The following UBE2QL1 variants were observed in gnomAD, a reference collection of about 807,000 sequenced individuals.
The protein encoded by UBE2QL1 is ubiquitin conjugating enzyme E2 QL1, also known as ubiquitin-conjugating enzyme E2Q-like protein 1.
UBE2QL1 carries 5 observed loss-of-function variants against 12.6 expected under a neutral mutation model. That is an observed-to-expected ratio of 0.40 (90% confidence interval 0.21 to 0.83). UBE2QL1 has a LOEUF of 0.83. Ranked by LOEUF, UBE2QL1 falls within the 40% of genes least tolerant of loss-of-function variation. The pLI, the probability that UBE2QL1 is intolerant of heterozygous loss-of-function variation, is 0.37. For synonymous variants in UBE2QL1, 96 were observed against 94.5 expected (o/e 1.02, Z -0.10); for missense variants, 99 against 222.6 (o/e 0.44, Z 3.53).
rs556624832 is a variant in UBE2QL1, at chr5:6,481,146, T to C, written c.355-10072T>C. Among the ~76,000 whole-genome samples the C allele has an allele frequency of 1.3e-5, 2 of 152,308 alleles. No individual in the cohort carries two copies. The highest frequency in any genetic ancestry group is 2.9e-5 in the Non-Finnish European group (2 of 68,024). ...AGCGTGCTTCTCGGGCCATTTCACC[T>C]GTGCACGCTTCGTTGTGGCTGCACC... On this transcript the variant is annotated intron_variant, in intron 1 of 1. Transcript: ENST00000399816. The surrounding 1 kb of genome is among the most constrained non-coding windows in gnomAD (Gnocchi z 4.5).
Position 6,491,360 on chromosome 5 carries a change from G to T in UBE2QL1, c.*11G>T, listed in dbSNP as rs1392257382. ...GTGTCCGACGGCTGATGTCTGCCACGTGCAGTAGACGCTCGAGCGCCTGTC... is the reference window on the plus strand; with the variant it reads ...GTGTCCGACGGCTGATGTCTGCCACTTGCAGTAGACGCTCGAGCGCCTGTC... On this transcript the variant is annotated 3_prime_UTR_variant, in exon 2 of 2. Coordinates refer to ENST00000399816, the MANE Select transcript of UBE2QL1 (RefSeq NM_001145161.3). The T allele has an allele frequency of 7.8e-6, 12 of 1,546,604 alleles. No homozygotes were observed. Among genetic ancestry groups the T allele is most frequent in the Non-Finnish European group, 1.0e-5 (12 of 1,144,902 alleles).
At chr5:6,488,939 G>A (rs564712396) in intron 1 of UBE2QL1, among the ~76,000 whole-genome samples, 1 of 152,326 alleles carries the variant, frequency 6.6e-6, no homozygotes, top group Admixed American at 6.5e-5. Context: ...TATTAGCTCT[G>A]AGTGGTCTCT....
At position 6,494,431 on chromosome 5, in the gene UBE2QL1, T is replaced by A. The variant is rs1382706552; in HGVS notation, c.*3082T>A. The A allele has an allele frequency of 6.6e-6, 1 of 152,104 alleles. No homozygotes were observed. The highest frequency in any genetic ancestry group is 1.5e-5 in the Non-Finnish European group (1 of 68,022). 9.4% of individuals were successfully genotyped at this position (152,104 alleles called of 1,614,324 possible). A position where few individuals can be genotyped will look rare whatever the true frequency, so the allele number is the denominator to read the frequency against. On this transcript the variant is annotated 3_prime_UTR_variant, in exon 2 of 2. Coordinates refer to ENST00000399816, the MANE Select transcript of UBE2QL1 (RefSeq NM_001145161.3). ...CATCTATCAAAATTTGACCTTTTTT[T>A]AAGAGAAAAATATGTAGATGAGTGA...
chr5:6,475,039 C>G (rs1055665803), intron 1 of UBE2QL1, among the ~76,000 whole-genome samples: 5 of 152,228 alleles, frequency 3.3e-5, no homozygotes, highest in African/African-American at 1.2e-4. Context: ...TCCCTATATT[C>G]TATCATAAGA....
rs1056754919 is a variant in UBE2QL1 at position 6,479,928 on chromosome 5, A to C, written c.355-11290A>C. On this transcript the variant is annotated intron_variant, in intron 1 of 1. Transcript: ENST00000399816. The surrounding 1 kb of genome is among the most constrained non-coding windows in gnomAD (Gnocchi z 4.2). ...TAAAGGTAGACTCAGGGCCCTGATC[A>C]TCTCGGGGCTTACATAAACCATGTG... Among the ~76,000 whole-genome samples the C allele has an allele frequency of 3.9e-5, 6 of 152,292 alleles. No homozygotes were observed. In the Middle Eastern group the frequency reaches 0.01, roughly 259 times the overall value.
chr5:6,455,652 G>A (rs1476975449), intron 1 of UBE2QL1, among the ~76,000 whole-genome samples: 2 of 152,098 alleles, frequency 1.3e-5, no homozygotes, highest in African/African-American at 2.4e-5. Flanking sequence ...ACAGAGGCTG[G>A]TCCAAAGAGC....
chr5:6,461,576 A>T (rs1739667251), intron 1 of UBE2QL1, among the ~76,000 whole-genome samples: 1 of 109,032 alleles, frequency 9.2e-6, no homozygotes, highest in Non-Finnish European at 1.8e-5. Context: ...TCTAGGAAGG[A>T]ATATTATCCT....
intron 1 of UBE2QL1, among the ~76,000 whole-genome samples, chr5:6,486,692 ATCG>A (rs1734474228): frequency 6.6e-6 from 1 of 152,154 alleles, no homozygotes; most frequent in Admixed American, 6.5e-5. Flanking sequence ...ACCTGCAGCA[ATCG>A]TCTGCTGAAT....
chr5:6,480,935 G>T (rs570971741), intron 1 of UBE2QL1, among the ~76,000 whole-genome samples: 13 of 152,152 alleles, frequency 8.5e-5, no homozygotes, highest in African/African-American at 3.1e-4. Context: ...AACCTCTGGG[G>T]GTTACAGGTT....
intron 1 of UBE2QL1, among the ~76,000 whole-genome samples, chr5:6,482,927 G>A (rs2126367034): frequency 6.6e-6 from 1 of 152,312 alleles, no homozygotes; most frequent in South Asian, 2.1e-4. Flanking sequence ...CTGCAGAGAT[G>A]CCAGATGTTT....
chr5:6,493,923 G>C lies in UBE2QL1; in HGVS notation c.*2574G>C, dbSNP rs545087558. 2 of 152,226 alleles carry C rather than the reference G, an allele frequency of 1.3e-5. No individual in the cohort carries two copies. The highest frequency in any genetic ancestry group is 2.4e-5 in the African/African-American group (1 of 41,434). The allele number at this position is 152,226 out of a possible 1,614,324, so 9.4% of individuals were successfully genotyped here. ...TGCCTCTGGAGCCCAGGGTGAGAAG[G>C]AGAGGCCTGAAGCCTGGGGCCACGT... On this transcript the variant is annotated 3_prime_UTR_variant, in exon 2 of 2. Coordinates refer to ENST00000399816, the MANE Select transcript of UBE2QL1 (RefSeq NM_001145161.3).
chr5:6,480,704 G>A (rs1330631524), intron 1 of UBE2QL1, among the ~76,000 whole-genome samples: 4 of 152,268 alleles, frequency 2.6e-5, no homozygotes, highest in Middle Eastern at 3.4e-3. Flanking sequence ...TTTTGTAAGC[G>A]CCCATGAACT....
At chr5:6,451,666 G>A (rs1446986900) in intron 1 of UBE2QL1, among the ~76,000 whole-genome samples, 1 of 152,104 alleles carries the variant, frequency 6.6e-6, no homozygotes, top group African/African-American at 2.4e-5. Flanking sequence ...TCTAAGAGAG[G>A]GTAATGTGTG....
chr5:6,490,051 C>T (rs1734540087), intron 1 of UBE2QL1, among the ~76,000 whole-genome samples: 1 of 152,232 alleles, frequency 6.6e-6, no homozygotes, highest in Non-Finnish European at 1.5e-5. Context: ...TCTTTCCAGG[C>T]ATTTCTGCCC....
chr5:6,464,044 C>G (rs1206981215), intron 1 of UBE2QL1, among the ~76,000 whole-genome samples: 1 of 152,098 alleles, frequency 6.6e-6, no homozygotes, highest in Non-Finnish European at 1.5e-5. Flanking sequence ...GTGATCTCAG[C>G]TCACTGCATC....
chr5:6,468,304 A>C (rs1253896820), intron 1 of UBE2QL1, among the ~76,000 whole-genome samples: 1 of 152,126 alleles, frequency 6.6e-6, no homozygotes, highest in Non-Finnish European at 1.5e-5. Flanking sequence ...TGCTCAGGGA[A>C]GCCGGTCATC....
chr5:6,467,743 T>C (rs530574948), intron 1 of UBE2QL1, among the ~76,000 whole-genome samples: 1 of 152,286 alleles, frequency 6.6e-6, no homozygotes, highest in South Asian at 2.1e-4. Flanking sequence ...GTCTCTGCCC[T>C]GCGGGCCCCA....
In UBE2QL1 at chr5:6,491,587, G is replaced by C. The variant is rs936240164; in HGVS notation, c.*238G>C. On this transcript the variant is annotated 3_prime_UTR_variant, in exon 2 of 2. Coordinates refer to ENST00000399816, the MANE Select transcript of UBE2QL1 (RefSeq NM_001145161.3). ...GAATGATCACCTCGAAGTCACTTTAGAACACATGTTGAGATGGTGACATTT... is the reference window on the plus strand; with the variant it reads ...GAATGATCACCTCGAAGTCACTTTACAACACATGTTGAGATGGTGACATTT... 1 of 380,830 alleles carries C rather than the reference G, an allele frequency of 2.6e-6. No homozygotes were observed. The highest frequency in any genetic ancestry group is 2.1e-5 in the African/African-American group (1 of 48,190). 23.6% of individuals were successfully genotyped at this position (380,830 alleles called of 1,614,324 possible). A position where few individuals can be genotyped will look rare whatever the true frequency, so the allele number is the denominator to read the frequency against.
At chr5:6,470,440 G>T (rs1002526973) in intron 1 of UBE2QL1, among the ~76,000 whole-genome samples, 1 of 152,174 alleles carries the variant, frequency 6.6e-6, no homozygotes, top group Non-Finnish European at 1.5e-5. Context: ...TGCTAAGGTA[G>T]AGAATGAAAA....
Sources: allele counts gnomAD v4.1 joint callset (sites outside exome capture counted in the v4.1 genomes callset), GRCh38; gene constraint gnomAD v4.1.1; non-coding constraint Gnocchi (gnomAD v3.1); transcripts MANE v1.5; gene names NCBI Gene and HGNC (gene_info 2026-07-23, HGNC 2026-07-21).